Variants in SH3TC1 observed in about 807,000 individuals in gnomAD.
The protein encoded by SH3TC1 is SH3 domain and tetratricopeptide repeats 1, also known as SH3 domain and tetratricopeptide repeat-containing protein 1.
SH3TC1 carries 135 observed loss-of-function variants against 117.3 expected under a neutral mutation model. That is an observed-to-expected ratio of 1.15 (90% CI 1.00 to 1.33). The LOEUF (loss-of-function observed/expected upper bound fraction) is 1.33. Ranked by LOEUF, SH3TC1 falls within the 40% of genes most tolerant of loss-of-function variation. The probability of loss-of-function intolerance (pLI) is 0.00; values close to 1 mark genes in which losing one functional copy is unlikely to be tolerated. For synonymous variants in SH3TC1, 898 were observed against 816.9 expected (o/e 1.10, Z -1.69); for missense variants, 2,092 against 1,794.3 (o/e 1.17, Z -3.00).
chr4:8,221,074 C>A (rs1167941458), intron 9 of SH3TC1, among the ~76,000 whole-genome samples: 2 of 152,210 alleles, frequency 1.3e-5, no homozygotes, highest in Non-Finnish European at 2.9e-5. Flanking sequence ...ACTTACTTAA[C>A]CTCCAGAATC....
intron 1 of SH3TC1, among the ~76,000 whole-genome samples, chr4:8,191,908 G>A (rs755325035): frequency 6.6e-6 from 1 of 152,080 alleles, no homozygotes; most frequent in South Asian, 2.1e-4. Flanking sequence ...CGTGGAGCTG[G>A]GGTCCGGCCG....
intron 1 of SH3TC1, among the ~76,000 whole-genome samples, chr4:8,184,968 T>C (rs1406324587): frequency 6.6e-6 from 1 of 151,802 alleles, no homozygotes; most frequent in African/African-American, 2.4e-5. Context: ...TTAATTGTTT[T>C]GTCACATTTC....
intron 17 of SH3TC1, among the ~76,000 whole-genome samples, chr4:8,240,197 G>A (rs902998031): frequency 4.6e-5 from 7 of 152,154 alleles, no homozygotes; most frequent in African/African-American, 1.7e-4. Context: ...AATGGGAGTG[G>A]ATGTCTGGGG....
rs772044950 is a variant in SH3TC1 at position 8,233,494 on chromosome 4, TG to T, written c.3265del (p.Val1089TrpfsTer55). 2 of 1,612,060 alleles carry T rather than the reference TG, an allele frequency of 1.2e-6. No individual in the cohort carries two copies. Among genetic ancestry groups the T allele is most frequent in the South Asian group, 2.2e-5 (2 of 90,706 alleles). The stretch of plus-strand genomic sequence containing the variant: ...TATTACATCTTGCGGCAGAGCGAGC[TG>T]GTGGACCTCTACATCCAGGTGAGTG... ...KIYYILRQSE[L>X]VDLYIQVAQN... On this transcript the variant is annotated frameshift_variant, in exon 14 of 18. Transcript: ENST00000245105. LOFTEE classifies it high-confidence loss of function.
chr4:8,184,239 C>T (rs1023374287), intron 1 of SH3TC1, among the ~76,000 whole-genome samples: 1 of 152,230 alleles, frequency 6.6e-6, no homozygotes, highest in Non-Finnish European at 1.5e-5. Context: ...CAGCTCTGCC[C>T]CACCAGCAAT....
At position 8,225,990 on chromosome 4, in the gene SH3TC1, G is replaced by T. The variant is rs1310810308; in HGVS notation, c.1285+774G>T. On this transcript the variant is annotated intron_variant, in intron 11 of 17. Transcript: ENST00000245105. This position sits in a 1 kb window ranked among gnomAD's most constrained non-coding sequence, Gnocchi z 5.5. ...TGGGAGGGGCTGTTTGCCTCTGCCG[G>T]GCAGGGAGATTTCTTAGCTAATCTA... Among the ~76,000 whole-genome samples the T allele has an allele frequency of 6.6e-6, 1 of 152,140 alleles. No individual in the cohort carries two copies. The highest frequency in any genetic ancestry group is 1.5e-5 in the Non-Finnish European group (1 of 68,024).
At position 8,231,997 on chromosome 4, in the gene SH3TC1, G is replaced by A. The variant is rs777423178; in HGVS notation, c.2972G>A (p.Arg991Gln). 61 of 1,612,222 alleles carry A rather than the reference G, an allele frequency of 3.8e-5. No individual in the cohort carries two copies. Among genetic ancestry groups the A allele is most frequent in the East Asian group, 1.8e-4 (8 of 44,872 alleles). The change falls in exon 13 of 18, where the codon CGG becomes CAG. Residue 991 changes from arginine (R) to glutamine (Q), a missense_variant. By Grantham distance (43) the Arg-to-Gln change is conservative (BLOSUM62 1). Coordinates refer to ENST00000245105, the MANE Select transcript of SH3TC1 (RefSeq NM_018986.5). ...HVESQLRAVQ[R>Q]LCHFYSAVMP... ...CCAGGCCAGCTGCGGGCCGTCCAGCGGCTGTGCCACTTCTACAGCGCCGTC... is the reference window on the plus strand; with the variant it reads ...CCAGGCCAGCTGCGGGCCGTCCAGCAGCTGTGCCACTTCTACAGCGCCGTC...
chr4:8,235,340 G>A (rs538405621), intron 14 of SH3TC1, 93 bp from the exon 15 acceptor site: 20 of 1,381,168 alleles, frequency 1.4e-5, no homozygotes, highest in Non-Finnish European at 1.9e-5. Context: ...TGCAGTGTGT[G>A]AGAGGAAGGA....
chr4:8,216,268 C>G lies in SH3TC1; in HGVS notation c.628+11C>G, dbSNP rs1719261912. On this transcript the variant is annotated intron_variant, in intron 6 of 17. Transcript: ENST00000245105. ...TCCTCATCCAAGAAGGTGAGCGTTGCATGGGGTGATGGCCGAGATCCAGCT... is the reference window on the plus strand; with the variant it reads ...TCCTCATCCAAGAAGGTGAGCGTTGGATGGGGTGATGGCCGAGATCCAGCT... 1.2e-6 allele frequency: 2 copies of G among 1,611,194 alleles called. No homozygotes were observed. The highest frequency in any genetic ancestry group is 1.7e-6 in the Non-Finnish European group (2 of 1,178,756).
At position 8,235,472 on chromosome 4, in the gene SH3TC1, C is replaced by G; in HGVS notation, c.3322C>G (p.Leu1108Val). The G allele has an allele frequency of 1.2e-6, 2 of 1,600,464 alleles. No homozygotes were observed. The highest frequency in any genetic ancestry group is 2.2e-5 in the South Asian group (2 of 89,462). The change falls in exon 15 of 18, where the codon CTG becomes GTG. Residue 1108 changes from leucine to valine, a missense_variant. By Grantham distance (32) the Leu-to-Val change is conservative. Coordinates refer to ENST00000245105, the MANE Select transcript of SH3TC1 (RefSeq NM_018986.5). ...GGCCCTGTACACAGGCGACCCCAAC[C>G]TGGGGCTGGAGCTGTTTGAGGCGGC... ...NVALYTGDPN[L>V]GLELFEAAGD... is the part of the protein sequence containing the mutation.
intron 17 of SH3TC1, 44 bp downstream of exon 17, chr4:8,237,714 G>T: frequency 6.5e-7 from 1 of 1,541,894 alleles, no homozygotes; most frequent in Admixed American, 1.8e-5. Flanking sequence ...CGGCCCCCTT[G>T]GAGTGGGATC....
chr4:8,225,134 T>C lies in SH3TC1; in HGVS notation c.1244-41T>C, dbSNP rs1720339367. 2 of 1,612,276 alleles carry C rather than the reference T, an allele frequency of 1.2e-6. No homozygotes were observed. The highest frequency in any genetic ancestry group is 2.7e-5 in the African/African-American group (2 of 75,044). On this transcript the variant is annotated intron_variant, in intron 10 of 17. Coordinates refer to ENST00000245105, the MANE Select transcript of SH3TC1 (RefSeq NM_018986.5). This position sits in a 1 kb window ranked among gnomAD's most constrained non-coding sequence, Gnocchi z 5.5. Reference sequence around the variant, plus strand: ...CAACCTGGCAGGGGACCAGAGGTACTGGCTGGGGGTGTTGATTGCTTCTCT... The same window carrying C: ...CAACCTGGCAGGGGACCAGAGGTACCGGCTGGGGGTGTTGATTGCTTCTCT...
intron 5 of SH3TC1, 69 bp downstream of exon 5, chr4:8,214,649 C>A: frequency 1.7e-6 from 2 of 1,150,086 alleles, no homozygotes; most frequent in Non-Finnish European, 1.3e-6. Flanking sequence ...ACACACCGTG[C>A]ACTTAGATTA....
At chr4:8,230,226 C>A (rs1224795420) in intron 12 of SH3TC1, among the ~76,000 whole-genome samples, 2 of 152,218 alleles carry the variant, frequency 1.3e-5, no homozygotes, top group African/African-American at 2.4e-5. Context: ...TCATGGAATC[C>A]TTTTATTTCT....
intron 1 of SH3TC1, among the ~76,000 whole-genome samples, chr4:8,188,539 C>T (rs1434446331): frequency 6.6e-6 from 1 of 152,252 alleles, no homozygotes; most frequent in East Asian, 1.9e-4. Flanking sequence ...TTGGGTTGCA[C>T]CCCAGCATGA....
chr4:8,217,834 C>T (rs1719445712), intron 7 of SH3TC1, among the ~76,000 whole-genome samples: 1 of 152,156 alleles, frequency 6.6e-6, no homozygotes, highest in African/African-American at 2.4e-5. Context: ...TTTTTTCTGG[C>T]TGAAGGAACT....
intron 16 of SH3TC1, chr4:8,237,139 C>T (rs1232203607): frequency 3.4e-6 from 1 of 293,114 alleles, no homozygotes; most frequent in Non-Finnish European, 6.3e-6. Context: ...GATGTCATGT[C>T]TGTGGGTTGC....
rs1717230178 is a variant in SH3TC1, at chr4:8,186,620, A to G, written c.-57+4410A>G. The stretch of plus-strand genomic sequence containing the variant: ...CAACTTATCTATCTAAAACTTTAAA[A>G]TAAAGTTTAGGTTAAAAAAACACTT... On this transcript the variant is annotated intron_variant, in intron 1 of 16. Transcript: ENST00000508641. This position sits in a 1 kb window ranked among gnomAD's most constrained non-coding sequence, Gnocchi z 5.2. Among the ~76,000 whole-genome samples, 1 of 152,168 alleles carries G rather than the reference A, an allele frequency of 6.6e-6. No homozygotes were observed. The highest frequency in any genetic ancestry group is 2.1e-4 in the South Asian group (1 of 4,818).
At chr4:8,220,404 TG>T (rs1719807366) in intron 9 of SH3TC1, among the ~76,000 whole-genome samples, 1 of 152,088 alleles carries the variant, frequency 6.6e-6, no homozygotes, top group Non-Finnish European at 1.5e-5. Flanking sequence ...GGCACTCTTC[TG>T]GCCATACGCC....
Sources: allele counts gnomAD v4.1 joint callset (sites outside exome capture counted in the v4.1 genomes callset), GRCh38; gene constraint gnomAD v4.1.1; non-coding constraint Gnocchi (gnomAD v3.1); transcripts MANE v1.5; gene names NCBI Gene and HGNC (gene_info 2026-07-23, HGNC 2026-07-21).